CUL3: variants seen among roughly 807,000 people sequenced by gnomAD.
CUL3 encodes the protein cullin-3.
A neutral mutation model predicts 89.1 loss-of-function variants in CUL3; 19 were observed. That is an observed-to-expected ratio of 0.21 (90% CI 0.15 to 0.31). CUL3 has a LOEUF of 0.31. CUL3 is among the 10% of genes least tolerant of loss of function. The probability of loss-of-function intolerance (pLI) is 1.00; values close to 1 mark genes in which losing one functional copy is unlikely to be tolerated. For synonymous variants in CUL3, 351 were observed against 308.4 expected, an observed-to-expected ratio of 1.14 and a Z score of -1.45; for missense variants, 469 against 942.3, an observed-to-expected ratio of 0.50 and a Z score of 6.58.
At chr2:224,509,154 CT>C (rs1312177656) in intron 6 of CUL3, among the ~76,000 whole-genome samples, 1 of 152,114 alleles carries the variant, frequency 6.6e-6, no homozygotes, top group African/African-American at 2.4e-5. Flanking sequence ...AGAGCAGGGC[CT>C]ACCACAATTA....
intron 1 of CUL3, among the ~76,000 whole-genome samples, chr2:224,563,822 G>C (rs774946798): frequency 2.6e-5 from 4 of 152,070 alleles, no homozygotes; most frequent in Non-Finnish European, 1.5e-5. Flanking sequence ...TTATGTCCAG[G>C]CAATGTTTAT....
chr2:224,567,936 A>G (rs1559235341), intron 1 of CUL3, among the ~76,000 whole-genome samples: 1 of 152,114 alleles, frequency 6.6e-6, no homozygotes. Flanking sequence ...CCTGTCTGAC[A>G]TGTATTTCCC....
At chr2:224,536,345 T>C (rs906730246) in intron 2 of CUL3, among the ~76,000 whole-genome samples, 1 of 152,188 alleles carries the variant, frequency 6.6e-6, no homozygotes, top group African/African-American at 2.4e-5. Flanking sequence ...TTTGCTCAAA[T>C]TTCATCTCTG....
At chr2:224,560,128 CA>C (rs1473135584) in intron 1 of CUL3, among the ~76,000 whole-genome samples, 1 of 152,086 alleles carries the variant, frequency 6.6e-6, no homozygotes, top group Non-Finnish European at 1.5e-5. Context: ...ACTTAACTTC[CA>C]AGCACTACAA....
chr2:224,484,130 C>G (rs974846664), intron 13 of CUL3, among the ~76,000 whole-genome samples: 5 of 152,016 alleles, frequency 3.3e-5, no homozygotes, highest in African/African-American at 1.2e-4. Context: ...ATGATAATAC[C>G]ACTGCACTCC....
At chr2:224,547,258 A>G (rs1387066528) in intron 2 of CUL3, among the ~76,000 whole-genome samples, 2 of 152,202 alleles carry the variant, frequency 1.3e-5, no homozygotes, top group African/African-American at 2.4e-5. Flanking sequence ...AATCTAGCCC[A>G]ACCCACTTTA....
chr2:224,474,491 A>G (rs1197023235), intron 15 of CUL3, 115 bp from the exon 16 acceptor site: 2 of 804,328 alleles, frequency 2.5e-6, no homozygotes, highest in Non-Finnish European at 1.9e-6. Flanking sequence ...CTGGATTACC[A>G]AAGATAAAAG....
intron 10 of CUL3, among the ~76,000 whole-genome samples, chr2:224,502,503 C>T (rs1307108841): frequency 6.6e-6 from 1 of 152,114 alleles, no homozygotes; most frequent in African/African-American, 2.4e-5. Flanking sequence ...ACCTGCTACG[C>T]ACCCTTAGGA....
chr2:224,524,157 G>A (rs182396405), intron 3 of CUL3, among the ~76,000 whole-genome samples: 171 of 152,174 alleles, frequency 1.1e-3, no homozygotes, highest in Non-Finnish European at 1.8e-3. Context: ...GACTTGTAGG[G>A]CCAAGATTCC....
intron 3 of CUL3, among the ~76,000 whole-genome samples, chr2:224,520,978 CTT>C (rs1323644442): frequency 1.3e-5 from 2 of 152,146 alleles, no homozygotes; most frequent in African/African-American, 4.8e-5. Context: ...AGGGGTGTCT[CTT>C]AAAGTGCGCT....
intron 1 of CUL3, among the ~76,000 whole-genome samples, chr2:224,576,005 G>GT (rs940349588): frequency 5.9e-5 from 9 of 152,198 alleles, no homozygotes; most frequent in African/African-American, 1.7e-4. Flanking sequence ...TGTGAGGAAT[G>GT]TATTAACATA....
At chr2:224,581,524 A>C (rs1281243357) in intron 1 of CUL3, among the ~76,000 whole-genome samples, 1 of 136,806 alleles carries the variant, frequency 7.3e-6, no homozygotes, top group Non-Finnish European at 1.6e-5. Flanking sequence ...TTTTTTTTTG[A>C]GACAGTCTCA....
chr2:224,525,357 A>C (rs1439840715), intron 3 of CUL3, among the ~76,000 whole-genome samples: 1 of 152,216 alleles, frequency 6.6e-6, no homozygotes, highest in African/African-American at 2.4e-5. Flanking sequence ...TATTCAGTAA[A>C]TGTATGATTT....
intron 13 of CUL3, among the ~76,000 whole-genome samples, chr2:224,486,056 A>G (rs559185110): frequency 4.7e-4 from 71 of 152,362 alleles, no homozygotes; most frequent in Admixed American, 7.2e-4. Context: ...ACAGAAAGCA[A>G]TAACATTCAA....
intron 1 of CUL3, among the ~76,000 whole-genome samples, chr2:224,579,509 AC>A (rs1695386593): frequency 6.6e-6 from 1 of 152,114 alleles, no homozygotes; most frequent in African/African-American, 2.4e-5. Flanking sequence ...GATTAACTGT[AC>A]CCATCTGTCC....
At chr2:224,556,829 A>G (rs1177456117) in intron 2 of CUL3, among the ~76,000 whole-genome samples, 3 of 152,138 alleles carry the variant, frequency 2.0e-5, no homozygotes, top group South Asian at 2.1e-4. Context: ...AACAGTAATT[A>G]TAACACATAT....
rs915063490 is a variant in CUL3 at position 224,583,157 on chromosome 2, C to G, written c.66+1787G>C. 2.6e-5 allele frequency among the ~76,000 whole-genome samples: 4 copies of G among 152,108 alleles called. No individual in the cohort carries two copies. The East Asian group carries it at 7.7e-4, about 29-fold the overall frequency. ...ACTTTGGGAGGCCGAGGTCGGTGAT[C>G]ACCTGAGGTCGGGAGTTCGAGACCA... On this transcript the variant is annotated intron_variant, in intron 1 of 15. Coordinates refer to ENST00000264414, the MANE Select transcript of CUL3 (RefSeq NM_003590.5).
intron 3 of CUL3, among the ~76,000 whole-genome samples, chr2:224,523,077 A>G (rs879619731): frequency 6.6e-6 from 1 of 152,226 alleles, no homozygotes; most frequent in Non-Finnish European, 1.5e-5. Context: ...GAGGTCTTAG[A>G]GCAATGAATT....
chr2:224,514,389 T>C (rs1381746757), intron 4 of CUL3, among the ~76,000 whole-genome samples: 1 of 152,176 alleles, frequency 6.6e-6, no homozygotes, highest in Non-Finnish European at 1.5e-5. Context: ...CTGAAAAGCA[T>C]ATTAAATAAA....
Sources: gnomAD v4.1 joint callset for allele counts (sites outside exome capture counted in the v4.1 genomes callset) on GRCh38, gnomAD v4.1.1 for gene constraint, MANE v1.5 for transcripts, NCBI Gene and HGNC (gene_info 2026-07-23, HGNC 2026-07-21) for gene names.